The following MOSMO variants were observed in gnomAD, a reference collection of about 807,000 sequenced individuals.
The protein encoded by MOSMO is modulator of smoothened protein.
In MOSMO, 5 loss-of-function variants were observed where a neutral mutation model predicts 18.4. The ratio of observed to expected loss-of-function variants is 0.27; its 90% confidence interval spans 0.14 to 0.57. The LOEUF (loss-of-function observed/expected upper bound fraction) is 0.57. MOSMO is among the 20% of genes least tolerant of loss of function. The pLI is 0.92. For synonymous variants in MOSMO, 82 were observed against 82.3 expected (o/e 1.00, Z 0.02); for missense variants, 138 against 211.8 (o/e 0.65, Z 2.16).
intron 1 of MOSMO, among the ~76,000 whole-genome samples, chr16:22,070,458 A>T (rs1014195141): frequency 1.3e-5 from 2 of 152,082 alleles, no homozygotes; most frequent in African/African-American, 4.8e-5. Flanking sequence ...AGGGAAAGAC[A>T]TGAAGGCAAG....
chr16:22,028,480 A>T (rs2141992690), intron 1 of MOSMO, among the ~76,000 whole-genome samples: 2 of 151,970 alleles, frequency 1.3e-5, no homozygotes, highest in Admixed American at 1.3e-4. Flanking sequence ...TACCACCGTC[A>T]CCCCGATCCA....
At chr16:22,024,297 T>C (rs1038827717) in intron 1 of MOSMO, among the ~76,000 whole-genome samples, 10 of 152,176 alleles carry the variant, frequency 6.6e-5, no homozygotes, top group South Asian at 4.1e-4. Context: ...GTAGAGCAGT[T>C]GATTTGGCCT....
At chr16:22,013,449 CTTCTTAAT>C (rs1335419784) in intron 1 of MOSMO, among the ~76,000 whole-genome samples, 2 of 152,084 alleles carry the variant, frequency 1.3e-5, no homozygotes, top group Non-Finnish European at 1.5e-5. Context: ...TTTGTACAAG[CTTCTTAAT>C]TTCACTGTCA....
chr16:22,033,183 A>G (rs991814781), intron 1 of MOSMO, among the ~76,000 whole-genome samples: 3 of 152,174 alleles, frequency 2.0e-5, no homozygotes, highest in Admixed American at 2.0e-4. Context: ...GCATTTCCAT[A>G]TAAATTTTAG....
chr16:22,061,079 A>G (rs570346686), intron 1 of MOSMO, among the ~76,000 whole-genome samples: 1 of 152,294 alleles, frequency 6.6e-6, no homozygotes, highest in South Asian at 2.1e-4. Flanking sequence ...TTTCATTTAT[A>G]TAAAATTCTA....
chr16:22,009,636 G>T (rs1461608437), intron 1 of MOSMO, among the ~76,000 whole-genome samples: 1 of 151,700 alleles, frequency 6.6e-6, no homozygotes, highest in Non-Finnish European at 1.5e-5. Context: ...TGGAGGGTTG[G>T]GAATGTCAAG....
At chr16:22,048,232 C>T (rs954513264) in intron 1 of MOSMO, among the ~76,000 whole-genome samples, 4 of 152,102 alleles carry the variant, frequency 2.6e-5, no homozygotes, top group East Asian at 1.9e-4. Flanking sequence ...GTTCTTTATC[C>T]GTACATCTGT....
rs1329678467 is a variant in MOSMO at position 22,075,576 on chromosome 16, G to T, written c.196G>T (p.Val66Phe). ...CCCTCCCCGGCTTCCCCCGGAGTGG[G>T]TCACCACACTGTTTTTTATCATCAT... ...CIPPRLPPEW[V>F]TTLFFIIMGI... Residue 66 changes from valine to phenylalanine, a missense_variant, in exon 2 of 3, where the codon GTC becomes TTC. Physicochemically the swap from Val to Phe is conservative, Grantham distance 50. Transcript: ENST00000542527. 6.5e-7 allele frequency: 1 copy of T among 1,537,328 alleles called. No homozygotes were observed. Among genetic ancestry groups the T allele is most frequent in the African/African-American group, 1.4e-5 (1 of 73,174 alleles).
chr16:22,035,761 T>C (rs1244943410), intron 1 of MOSMO, among the ~76,000 whole-genome samples: 3 of 152,202 alleles, frequency 2.0e-5, no homozygotes, highest in Non-Finnish European at 4.4e-5. Context: ...TGAATGAGGA[T>C]GACAACTTGT....
At chr16:22,076,105 T>C (rs1223620390) in intron 2 of MOSMO, 1 of 186,010 alleles carries the variant, frequency 5.4e-6, no homozygotes, top group Non-Finnish European at 1.1e-5. Flanking sequence ...TTTTTTAATA[T>C]TGATTTTGAG....
chr16:22,075,934 A>G, intron 2 of MOSMO: 1 of 415,708 alleles, frequency 2.4e-6, no homozygotes, highest in South Asian at 2.3e-5. Context: ...AATGAATTTT[A>G]TTTTTGCTCA....
At chr16:22,017,841 G>C (rs1899672257) in intron 1 of MOSMO, among the ~76,000 whole-genome samples, 1 of 152,140 alleles carries the variant, frequency 6.6e-6, no homozygotes, top group Non-Finnish European at 1.5e-5. Context: ...TGAGCAAGTA[G>C]AATGTGACGT....
intron 1 of MOSMO, among the ~76,000 whole-genome samples, chr16:22,012,976 G>T (rs1899563682): frequency 6.6e-6 from 1 of 152,066 alleles, no homozygotes; most frequent in Non-Finnish European, 1.5e-5. Flanking sequence ...TTGTATGTAT[G>T]GGGGAAGGCA....
At position 22,059,275 on chromosome 16, in the gene MOSMO, CAG is replaced by C. The variant is rs1900597794; in HGVS notation, c.107-16210_107-16209del. Among the ~76,000 whole-genome samples, 5 of 151,926 alleles carry C rather than the reference CAG, an allele frequency of 3.3e-5. No individual in the cohort carries two copies. In the South Asian group the frequency reaches 1.0e-3, roughly 32 times the overall value. On this transcript the variant is annotated intron_variant, in intron 1 of 2. Transcript: ENST00000542527. ...CTTGTCCTATAAATGGTTGAGGTGA[CAG>C]AATGTTTAGCTGTCTGTTCAGATGT...
intron 1 of MOSMO, among the ~76,000 whole-genome samples, chr16:22,030,340 A>G (rs1021819065): frequency 1.3e-4 from 20 of 152,176 alleles, no homozygotes; most frequent in African/African-American, 4.8e-4. Context: ...TCAAAACCGT[A>G]TTTTCCAAAC....
At chr16:22,056,943 C>T (rs1247930298) in intron 1 of MOSMO, among the ~76,000 whole-genome samples, 1 of 152,142 alleles carries the variant, frequency 6.6e-6, no homozygotes, top group African/African-American at 2.4e-5. Context: ...TAAAATATAG[C>T]ATGTTTTGCT....
intron 1 of MOSMO, among the ~76,000 whole-genome samples, chr16:22,050,654 C>T (rs1040802463): frequency 6.6e-6 from 1 of 152,020 alleles, no homozygotes; most frequent in Non-Finnish European, 1.5e-5. Context: ...ACTTGGGAGG[C>T]TGAGGCAGGA....
chr16:22,020,291 ATTTTTTTT>A (rs1204620607), intron 1 of MOSMO, among the ~76,000 whole-genome samples: 1 of 122,516 alleles, frequency 8.2e-6, no homozygotes, highest in East Asian at 2.2e-4. Flanking sequence ...CCTGACTTTA[ATTTTTTTT>A]TTTTTTTTTT....
At chr16:22,048,612 T>C (rs891407221) in intron 1 of MOSMO, among the ~76,000 whole-genome samples, 8 of 152,208 alleles carry the variant, frequency 5.3e-5, no homozygotes, top group Admixed American at 3.9e-4. Context: ...TTTTTTCTTA[T>C]TAATGTTTGG....
Sources: allele counts gnomAD v4.1 joint callset (sites outside exome capture counted in the v4.1 genomes callset), GRCh38; gene constraint gnomAD v4.1.1; transcripts MANE v1.5; gene names NCBI Gene and HGNC (gene_info 2026-07-23, HGNC 2026-07-21).